C8orf34: variants seen among roughly 807,000 people sequenced by gnomAD.
C8orf34 encodes uncharacterized protein C8orf34.
A neutral mutation model predicts 68.3 loss-of-function variants in C8orf34; 65 were observed. That is an observed-to-expected ratio of 0.95 (90% confidence interval 0.78 to 1.17). C8orf34 has a LOEUF of 1.17. Among genes scored for constraint, C8orf34 ranks in the 50% most tolerant of loss-of-function variants. C8orf34 has a pLI of 0.00. For missense variants in C8orf34, 664 were observed against 655.4 expected, an observed-to-expected ratio of 1.01 and a Z score of -0.14; for synonymous variants, 244 against 241.2, an observed-to-expected ratio of 1.01 and a Z score of -0.11.
chr8:68,775,615 TTGTC>T (rs1182881462), intron 10 of C8orf34, among the ~76,000 whole-genome samples: 2 of 152,206 alleles, frequency 1.3e-5, no homozygotes, highest in African/African-American at 2.4e-5. Flanking sequence ...TAAAGGTTAA[TTGTC>T]TGTCCTCTAT....
intron 10 of C8orf34, among the ~76,000 whole-genome samples, chr8:68,772,889 T>A (rs1228114731): frequency 2.0e-5 from 3 of 151,316 alleles, no homozygotes; most frequent in Non-Finnish European, 4.4e-5. Context: ...CCTTCCTTCC[T>A]TCTTTCTTTT....
At chr8:68,482,635 G>T (rs1233500357) in intron 4 of C8orf34, among the ~76,000 whole-genome samples, 1 of 152,004 alleles carries the variant, frequency 6.6e-6, no homozygotes, top group South Asian at 2.1e-4. Context: ...ATTGATAAAA[G>T]TTTTACTTAC....
intron 7 of C8orf34, among the ~76,000 whole-genome samples, chr8:68,591,997 A>T (rs535357488): frequency 6.6e-6 from 1 of 152,162 alleles, no homozygotes; most frequent in Admixed American, 6.5e-5. Flanking sequence ...CCCAAATAAG[A>T]TAATCTTTTT....
At chr8:68,382,642 T>C (rs1365729343) in intron 1 of C8orf34, among the ~76,000 whole-genome samples, 1 of 152,194 alleles carries the variant, frequency 6.6e-6, no homozygotes, top group Non-Finnish European at 1.5e-5. Flanking sequence ...TGTGACACCA[T>C]GCTCCCTTAG....
chr8:68,470,561 C>T (rs1466086095), intron 4 of C8orf34, among the ~76,000 whole-genome samples: 1 of 152,066 alleles, frequency 6.6e-6, no homozygotes, highest in Admixed American at 6.6e-5. Context: ...CTGTGGCCTT[C>T]CAGGTTGTCT....
At chr8:68,588,138 T>C (rs1213601659) in intron 7 of C8orf34, among the ~76,000 whole-genome samples, 1 of 152,132 alleles carries the variant, frequency 6.6e-6, no homozygotes, top group Non-Finnish European at 1.5e-5. Flanking sequence ...TAGCTGCCCT[T>C]CCCCATCCAA....
intron 7 of C8orf34, among the ~76,000 whole-genome samples, chr8:68,591,201 CCTAA>C (rs1364995356): frequency 2.6e-5 from 4 of 152,080 alleles, no homozygotes; most frequent in Non-Finnish European, 5.9e-5. Context: ...AACTAAAGGT[CCTAA>C]CTCTTTTATT....
chr8:68,746,636 G>A (rs1173746085), intron 10 of C8orf34, among the ~76,000 whole-genome samples: 9 of 149,096 alleles, frequency 6.0e-5, no homozygotes, highest in Non-Finnish European at 1.3e-4. Context: ...AAATCTAGAA[G>A]AAATGGATAA....
At chr8:68,698,037 C>G (rs1167638966) in intron 8 of C8orf34, among the ~76,000 whole-genome samples, 1 of 151,972 alleles carries the variant, frequency 6.6e-6, no homozygotes. Flanking sequence ...TCCGGAGTTC[C>G]TTTATTTACT....
At chr8:68,656,572 A>T (rs1204764809) in intron 8 of C8orf34, among the ~76,000 whole-genome samples, 1 of 152,208 alleles carries the variant, frequency 6.6e-6, no homozygotes, top group Admixed American at 6.6e-5. Flanking sequence ...TGGAATTAAA[A>T]GTCCTTTATG....
chr8:68,611,483 C>G (rs377708925), intron 7 of C8orf34, among the ~76,000 whole-genome samples: 2 of 152,090 alleles, frequency 1.3e-5, no homozygotes, highest in Admixed American at 1.3e-4. Flanking sequence ...TACTTTTATA[C>G]CTTTAGAGTC....
At chr8:68,419,348 G>A (rs1385393029) in intron 1 of C8orf34, among the ~76,000 whole-genome samples, 1 of 148,694 alleles carries the variant, frequency 6.7e-6, no homozygotes, top group African/African-American at 2.5e-5. Context: ...GAGAGGATGT[G>A]GAGAAATAGG....
At chr8:68,732,034 T>C (rs921305039) in intron 10 of C8orf34, among the ~76,000 whole-genome samples, 2 of 152,232 alleles carry the variant, frequency 1.3e-5, no homozygotes, top group African/African-American at 4.8e-5. Context: ...TTATTTGTTT[T>C]GATGTGAAGG....
At position 68,565,619 on chromosome 8, in the gene C8orf34, T is replaced by C. The variant is rs528508123; in HGVS notation, c.1105+32470T>C. On this transcript the variant is annotated intron_variant, in intron 7 of 13. Coordinates refer to ENST00000518698, the MANE Select transcript of C8orf34 (RefSeq NM_052958.4). ...GTGACAGCAGAATGAGTCCATCTTT[T>C]GTGTCGCGATGCTGAGAGTTTTCTA... is the stretch of plus-strand genomic sequence containing the variant. Among the ~76,000 whole-genome samples, 9 of 145,720 alleles carry C rather than the reference T, an allele frequency of 6.2e-5. No individual in the cohort carries two copies. In the East Asian group the frequency reaches 1.6e-3, roughly 25 times the overall value.
At chr8:68,602,350 G>T (rs1466029672) in intron 7 of C8orf34, among the ~76,000 whole-genome samples, 1 of 152,104 alleles carries the variant, frequency 6.6e-6, no homozygotes, top group Non-Finnish European at 1.5e-5. Flanking sequence ...AATGAAAAAG[G>T]TTTAATTGAT....
intron 7 of C8orf34, among the ~76,000 whole-genome samples, chr8:68,572,351 A>G (rs1816782852): frequency 1.3e-5 from 2 of 151,988 alleles, no homozygotes. Context: ...AATGTTTTCT[A>G]TTGAAGACAT....
chr8:68,339,471 A>G (rs1805983171), intron 1 of C8orf34, among the ~76,000 whole-genome samples: 1 of 134,416 alleles, frequency 7.4e-6, no homozygotes, highest in South Asian at 2.4e-4. Flanking sequence ...CCCCTACACT[A>G]AAAAGTATAA....
intron 7 of C8orf34, among the ~76,000 whole-genome samples, chr8:68,567,575 A>ATTTTTTTTTTT (rs1563534685): frequency 3.0e-5 from 1 of 33,042 alleles, no homozygotes; most frequent in Non-Finnish European, 6.3e-5. Flanking sequence ...TGTTTCATTT[A>ATTTTTTTTTTT]TCTTTTTTTT....
At chr8:68,349,702 GTGA>G (rs1324593509) in intron 1 of C8orf34, among the ~76,000 whole-genome samples, 1 of 151,934 alleles carries the variant, frequency 6.6e-6, no homozygotes, top group Non-Finnish European at 1.5e-5. Flanking sequence ...GCTCAGTCTT[GTGA>G]GGGTGTATGT....
Sources: allele counts gnomAD v4.1 joint callset (sites outside exome capture counted in the v4.1 genomes callset), GRCh38; gene constraint gnomAD v4.1.1; transcripts MANE v1.5; gene names NCBI Gene and HGNC (gene_info 2026-07-23, HGNC 2026-07-21).